The following RBMX2 variants were observed in gnomAD, a reference collection of about 807,000 sequenced individuals.
RBMX2 encodes the protein RNA-binding motif protein, X-linked 2.
For synonymous variants in RBMX2, 77 were observed against 94.3 expected, an observed-to-expected ratio of 0.82 and a Z score of 1.07; for missense variants, 191 against 256.0, an observed-to-expected ratio of 0.75 and a Z score of 1.73.
chrX:130,412,502 A>G lies in RBMX2; in HGVS notation c.623A>G (p.Lys208Arg), dbSNP rs2034519265. The G allele has an allele frequency of 8.3e-7, 1 of 1,207,252 alleles. No individual in the cohort carries two copies. The highest frequency in any genetic ancestry group is 1.8e-5 in the South Asian group (1 of 56,589). The change falls in exon 6 of 6, where the codon AAG becomes AGG. Residue 208 changes from lysine to arginine, a missense_variant. Lys to Arg is a conservative substitution (Grantham distance 26). Coordinates refer to ENST00000305536, the MANE Select transcript of RBMX2 (RefSeq NM_016024.4). ...ACTGGCCCTAAGAAGCACAGCAGCA[A>G]GAACTCAGAGAGAGCTCAGAAGTCA... ...DDTGPKKHSS[K>R]NSERAQKSEP...
chrX:130,402,229 T>TCCCC, intron 1 of RBMX2, 26 bp from the exon 2 acceptor site: 5 of 722,993 alleles, frequency 6.9e-6, no homozygotes, highest in South Asian at 2.6e-5. Context: ...CTGCCTACCC[T>TCCCC]CCCCACCCCC....
At position 130,412,701 on chromosome X, in the gene RBMX2, T is replaced by G; in HGVS notation, c.822T>G (p.Asp274Glu). Residue 274 changes from aspartate to glutamate, a missense_variant, in exon 6 of 6, where the codon GAT (aspartate) becomes GAG (glutamate). By Grantham distance (45) the Asp-to-Glu change is conservative (BLOSUM62 2). Coordinates refer to ENST00000305536, the MANE Select transcript of RBMX2 (RefSeq NM_016024.4). The part of the protein sequence containing the change: ...TRIRDRGRSS[D>E]AHSSWYNGRS... Reference sequence around the variant, plus strand: ...TTAGGGACAGAGGGCGGAGCTCAGATGCACATTCTAGCTGGTATAATGGGC... The same window carrying G: ...TTAGGGACAGAGGGCGGAGCTCAGAGGCACATTCTAGCTGGTATAATGGGC... 2 of 1,210,942 alleles carry G rather than the reference T, an allele frequency of 1.7e-6. No individual in the cohort carries two copies. Among genetic ancestry groups the G allele is most frequent in the Non-Finnish European group, 2.2e-6 (2 of 895,340 alleles).
chrX:130,412,556 A>G lies in RBMX2; in HGVS notation c.677A>G (p.Lys226Arg), dbSNP rs1186079284. 1 of 1,209,343 alleles carries G rather than the reference A, an allele frequency of 8.3e-7. No homozygotes were observed. The highest frequency in any genetic ancestry group is 2.2e-5 in the Admixed American group (1 of 45,689). The change falls in exon 6 of 6, where the codon AAA (lysine) becomes AGA (arginine). Residue 226 changes from lysine (K) to arginine (R), a missense_variant. By Grantham distance (26) the Lys-to-Arg change is conservative (BLOSUM62 2). Transcript: ENST00000305536. The stretch of plus-strand genomic sequence containing the variant: ...CCCAGGGAGGGGCAGAAGCTCCCCA[A>G]ATCCAGGACGGCCTACTCTGGTGGA... Reference protein sequence around the residue: ...SEPREGQKLPKSRTAYSGGAE... With the variant: ...SEPREGQKLPRSRTAYSGGAE...
At chrX:130,408,292 C>T (rs185125528) in intron 3 of RBMX2, among the ~76,000 whole-genome samples, 50 of 112,229 alleles carry the variant, frequency 4.5e-4, no homozygotes, top group African/African-American at 1.2e-3. Flanking sequence ...GCCACCATGC[C>T]GAGCCTAATT....
chrX:130,404,628 C>T (rs932506101), intron 3 of RBMX2, among the ~76,000 whole-genome samples: 4 of 112,729 alleles, frequency 3.5e-5, no homozygotes, highest in African/African-American at 1.3e-4. Context: ...GTACAGGTAG[C>T]GGACCATGGC....
chrX:130,412,924 T>C lies in RBMX2; in HGVS notation c.*76T>C, dbSNP rs376921615. ...GTCAAATTCAGTTGGGTGGTTACTA[T>C]TTTTGTATCTAAAACTTCTGGGGCT... On this transcript the variant is annotated 3_prime_UTR_variant, in exon 6 of 6. Coordinates refer to ENST00000305536, the MANE Select transcript of RBMX2 (RefSeq NM_016024.4). 3.0e-6 allele frequency: 3 copies of C among 1,016,251 alleles called. No individual in the cohort carries two copies. Among genetic ancestry groups the C allele is most frequent in the South Asian group, 4.8e-5 (2 of 41,299 alleles). The allele number at this position is 1,016,251 out of a possible 1,213,427, so 83.8% of individuals were successfully genotyped here.
intron 2 of RBMX2, among the ~76,000 whole-genome samples, chrX:130,403,363 T>A (rs757599306): frequency 4.5e-5 from 5 of 111,997 alleles, no homozygotes; most frequent in Non-Finnish European, 7.5e-5. Flanking sequence ...CAGACTTAAT[T>A]TCTTTCTTTC....
chrX:130,411,648 A>T, intron 5 of RBMX2, 123 bp downstream of exon 5: 3 of 688,570 alleles, frequency 4.4e-6, no homozygotes, highest in Non-Finnish European at 6.2e-6. Context: ...GCATAGTTTA[A>T]TTGGGAAAGC....
chrX:130,402,225 A>ACCCGCCCCCCC, intron 1 of RBMX2, 30 bp from the exon 2 acceptor site: 2 of 984,797 alleles, frequency 2.0e-6, no homozygotes, highest in Non-Finnish European at 2.8e-6. Flanking sequence ...TTTTCTGCCT[A>ACCCGCCCCCCC]CCCTCCCCAC....
intron 2 of RBMX2, 42 bp from the exon 3 acceptor site, chrX:130,403,760 T>C: frequency 8.6e-7 from 1 of 1,163,428 alleles, no homozygotes; most frequent in Non-Finnish European, 1.2e-6. Flanking sequence ...AGTAAACACT[T>C]GGTAAATGTT....
intron 3 of RBMX2, among the ~76,000 whole-genome samples, chrX:130,405,757 T>G (rs1260084809): frequency 9.1e-6 from 1 of 109,627 alleles, no homozygotes; most frequent in Non-Finnish European, 1.9e-5. Context: ...GAATGCCCAT[T>G]TTTCTGAATC....
rs368531639 is a variant in RBMX2, at chrX:130,412,084, G to A, written c.482-277G>A. ...ACTAGAAGCACCCGCCACCACACCC[G>A]GCTAATTTTTTTTTTTTTTTTTTAG... On this transcript the variant is annotated intron_variant, in intron 5 of 5. Transcript: ENST00000305536. Among the ~76,000 whole-genome samples the A allele has an allele frequency of 2.7e-3, 290 of 108,701 alleles. 3 individuals carry two copies. The highest frequency in any genetic ancestry group is 9.2e-3 in the African/African-American group (274 of 29,855). The allele number at this position is 108,701 out of a possible 115,157, so 94.4% of individuals were successfully genotyped here. A position where few individuals can be genotyped will look rare whatever the true frequency, so the allele number is the denominator to read the frequency against.
At chrX:130,405,878 G>A (rs903897285) in intron 3 of RBMX2, among the ~76,000 whole-genome samples, 5 of 36,586 alleles carry the variant, frequency 1.4e-4, no homozygotes, top group South Asian at 1.8e-3. Context: ...TTTTTGAGAC[G>A]GAGTCTCGCT....
At chrX:130,411,584 C>T in intron 5 of RBMX2, 59 bp downstream of exon 5, 1 of 990,269 alleles carries the variant, frequency 1.0e-6, no homozygotes, top group Non-Finnish European at 1.3e-6. Context: ...CTCTTCCTTG[C>T]ATTCACTGAT....
chrX:130,402,163 C>A (rs958555059), intron 1 of RBMX2, 92 bp from the exon 2 acceptor site: 8 of 1,161,664 alleles, frequency 6.9e-6, no homozygotes, highest in African/African-American at 3.6e-5. Flanking sequence ...AACAGCTCGT[C>A]CCCTAGTTTT....
In RBMX2 at chrX:130,413,013, A is replaced by G. The variant is rs761428898; in HGVS notation, c.*165A>G. ...AGGGCTGCAGTTTCAACAGCTAGAT[A>G]TCCTGGATATTGTTTGCACCATCCA... On this transcript the variant is annotated 3_prime_UTR_variant, in exon 6 of 6. Coordinates refer to ENST00000305536, the MANE Select transcript of RBMX2 (RefSeq NM_016024.4). 1.8e-4 allele frequency: 87 copies of G among 481,834 alleles called. No homozygotes were observed. Among genetic ancestry groups the G allele is most frequent in the Non-Finnish European group, 2.8e-4 (83 of 299,066 alleles). The allele number at this position is 481,834 out of a possible 1,213,427, so 39.7% of individuals were successfully genotyped here. A position where few individuals can be genotyped will look rare whatever the true frequency, so the allele number is the denominator to read the frequency against.
chrX:130,402,200 C>T, intron 1 of RBMX2, 55 bp from the exon 2 acceptor site: 1 of 1,182,235 alleles, frequency 8.5e-7, no homozygotes, highest in Non-Finnish European at 1.1e-6. Context: ...GGCCGGTTCG[C>T]ACTTACTTGT....
Position 130,402,011 on chromosome X carries a change from T to G in RBMX2, c.-22T>G. On this transcript the variant is annotated 5_prime_UTR_variant, in exon 1 of 6. Coordinates refer to ENST00000305536, the MANE Select transcript of RBMX2 (RefSeq NM_016024.4). ...CCTTTCCCGGGCGCTGATTCCTGAG[T>G]GCTGAGCGCGAACCCGAGGAGATGA... is the stretch of plus-strand genomic sequence containing the variant. 1 of 1,193,927 alleles carries G rather than the reference T, an allele frequency of 8.4e-7. No homozygotes were observed. Among genetic ancestry groups the G allele is most frequent in the African/African-American group, 1.7e-5 (1 of 57,689 alleles).
Position 130,412,992 on chromosome X carries a change from C to T in RBMX2, c.*144C>T. On this transcript the variant is annotated 3_prime_UTR_variant, in exon 6 of 6. Coordinates refer to ENST00000305536, the MANE Select transcript of RBMX2 (RefSeq NM_016024.4). ...TGACTATTTAGAGTCATTGGGAGGG[C>T]TGCAGTTTCAACAGCTAGATATCCT... 8.5e-6 allele frequency: 5 copies of T among 590,616 alleles called. No individual in the cohort carries two copies. The highest frequency in any genetic ancestry group is 1.3e-5 in the Non-Finnish European group (5 of 391,375). The allele number at this position is 590,616 out of a possible 1,213,427, so 48.7% of individuals were successfully genotyped here.
Sources: allele counts gnomAD v4.1 joint callset (sites outside exome capture counted in the v4.1 genomes callset), GRCh38; gene constraint gnomAD v4.1.1; transcripts MANE v1.5; gene names NCBI Gene and HGNC (gene_info 2026-07-23, HGNC 2026-07-21).